The following EARS2 variants were observed in gnomAD, a reference collection of about 807,000 sequenced individuals.
EARS2 encodes nondiscriminating glutamyl-tRNA synthetase EARS2, mitochondrial.
Under a neutral mutation model 54.1 loss-of-function variants are expected in EARS2, and 50 were observed. That is an observed-to-expected ratio of 0.92 (90% CI 0.74 to 1.17). The LOEUF is 1.17. Ranked by LOEUF, EARS2 falls within the 50% of genes most tolerant of loss-of-function variation. The pLI, the probability that EARS2 is intolerant of heterozygous loss-of-function variation, is 0.00. For missense variants in EARS2, 673 were observed against 675.0 expected (o/e 1.00, Z 0.03); for synonymous variants, 298 against 281.0 (o/e 1.06, Z -0.61).
rs775993037 is a variant in EARS2 at position 23,534,991 on chromosome 16, G to A, written c.855C>T (p.Leu285=). The A allele has an allele frequency of 6.2e-7, 1 of 1,612,932 alleles. No homozygotes were observed. The change falls in exon 4 of 9, where the codon CTC becomes CTT. Residue 285 remains leucine, a synonymous_variant. Transcript: ENST00000449606. ...PLLLNRDGSK[L]SKRQGDVFLE... ...GGAAAACGTCCCCTTGCCTCTTGGA[G>A]AGCTTGCTGCCATCCCTGTTGAGGA... is the stretch of plus-strand genomic sequence containing the variant.
intron 8 of EARS2, 88 bp downstream of exon 8, chr16:23,525,156 T>C (rs1413215769): frequency 1.3e-6 from 2 of 1,579,060 alleles, no homozygotes; most frequent in Non-Finnish European, 1.7e-6. Context: ...GTATACTCAA[T>C]ATTGAGCTCA....
At chr16:23,540,185 G>A (rs765966133) in intron 3 of EARS2, among the ~76,000 whole-genome samples, 22 of 152,000 alleles carry the variant, frequency 1.4e-4, no homozygotes, top group Non-Finnish European at 2.9e-4. Flanking sequence ...CTCTGTGTGT[G>A]GTGGTACATG....
chr16:23,549,180 C>T (rs1415006345), intron 2 of EARS2, among the ~76,000 whole-genome samples: 1 of 152,206 alleles, frequency 6.6e-6, no homozygotes, highest in Admixed American at 6.5e-5. Context: ...GAGTGAAGAG[C>T]TGAGACAGTG....
chr16:23,526,710 A>G (rs1470380540), intron 7 of EARS2, among the ~76,000 whole-genome samples: 1 of 152,206 alleles, frequency 6.6e-6, no homozygotes, highest in Non-Finnish European at 1.5e-5. Flanking sequence ...CCAACTTGCT[A>G]TGGCCATTCT....
intron 7 of EARS2, among the ~76,000 whole-genome samples, chr16:23,527,304 C>T (rs1000284579): frequency 6.6e-6 from 1 of 152,110 alleles, no homozygotes; most frequent in Non-Finnish European, 1.5e-5. Context: ...CATGGAAACA[C>T]TGAAGAGGAA....
At chr16:23,534,609 T>C (rs920964901) in intron 4 of EARS2, among the ~76,000 whole-genome samples, 2 of 152,160 alleles carry the variant, frequency 1.3e-5, no homozygotes, top group African/African-American at 4.8e-5. Context: ...CCCAATGAGG[T>C]AGACACTTAT....
At chr16:23,549,802 G>A (rs1597025593) in intron 2 of EARS2, among the ~76,000 whole-genome samples, 1 of 152,220 alleles carries the variant, frequency 6.6e-6, no homozygotes, top group East Asian at 1.9e-4. Flanking sequence ...GCTCACTATG[G>A]TTAGACCAAG....
chr16:23,550,836 T>C (rs1197238800), intron 2 of EARS2: 1 of 152,192 alleles, frequency 6.6e-6, no homozygotes, highest in Non-Finnish European at 1.5e-5. Context: ...CTTTCTTTTT[T>C]TTTCAATCTC....
chr16:23,534,872 T>C lies in EARS2; in HGVS notation c.958+16A>G. The C allele has an allele frequency of 1.3e-6, 2 of 1,552,152 alleles. No individual in the cohort carries two copies. Among genetic ancestry groups the C allele is most frequent in the Non-Finnish European group, 1.7e-6 (2 of 1,144,950 alleles). On this transcript the variant is annotated intron_variant, in intron 4 of 8. Transcript: ENST00000449606. Reference sequence around the variant, plus strand: ...CCATGCTCTCTGCTGCCAGGACTATTCAGGTGGGCACGTACCTGCAAAACC... The same window carrying C: ...CCATGCTCTCTGCTGCCAGGACTATCCAGGTGGGCACGTACCTGCAAAACC...
Position 23,535,152 on chromosome 16 carries a change from A to G in EARS2, c.694T>C (p.Cys232Arg). The G allele has an allele frequency of 1.2e-6, 2 of 1,613,464 alleles. No individual in the cohort carries two copies. The highest frequency in any genetic ancestry group is 1.7e-6 in the Non-Finnish European group (2 of 1,179,906). ...SDGFPTYHLA[C>R]VVDDHHMGIS... ...CCCATGTGGTGGTCGTCCACCACGC[A>G]GGCCAGGTGGTATGTGGGGAAGCCG... The change falls in exon 4 of 9, where the codon TGC (cysteine) becomes CGC (arginine). Residue 232 changes from cysteine to arginine, a missense_variant. By Grantham distance (180) the Cys-to-Arg change is radical. This residue lies in a region of EARS2 where 338 missense variants were observed against 361.2 expected (regional missense o/e 0.94). Coordinates refer to ENST00000449606, the MANE Select transcript of EARS2 (RefSeq NM_001083614.2).
intron 4 of EARS2, among the ~76,000 whole-genome samples, chr16:23,534,150 A>G (rs903060672): frequency 3.9e-5 from 6 of 152,100 alleles, no homozygotes; most frequent in Admixed American, 3.3e-4. Context: ...GTGATCAGGC[A>G]TAGGCCTAAA....
rs774079110 is a variant in EARS2, at chr16:23,524,433, T to C, written c.1510A>G (p.Met504Val). The C allele has an allele frequency of 3.1e-6, 5 of 1,614,126 alleles. No homozygotes were observed. The South Asian group carries it at 5.5e-5, about 18-fold the overall frequency. ...TCCTTTGGTCCCAAGGCCAACATCA[T>C]CTCAGCTACAGGAGGTCCTTGCTAA... Reference protein sequence around the residue: ...GQQQGPPVAEMMLALGPKEVR... With the variant: ...GQQQGPPVAEVMLALGPKEVR... Residue 504 changes from methionine (M) to valine (V), a missense_variant, in exon 9 of 9, where the codon ATG becomes GTG. By Grantham distance (21) the Met-to-Val change is conservative. Coordinates refer to ENST00000449606, the MANE Select transcript of EARS2 (RefSeq NM_001083614.2).
Position 23,529,560 on chromosome 16 carries a change from G to C in EARS2, c.1294C>G (p.Arg432Gly). 2.5e-6 allele frequency: 4 copies of C among 1,614,130 alleles called. No individual in the cohort carries two copies. Among genetic ancestry groups the C allele is most frequent in the Non-Finnish European group, 3.4e-6 (4 of 1,180,022 alleles). ...SYLWTRPAVG[R>G]AQLDAISEKV... ...TCCGAGATGGCGTCCAGCTGTGCTCGACCTACTGCAGGGCGAGTCCACAGG... is the reference window on the plus strand; with the variant it reads ...TCCGAGATGGCGTCCAGCTGTGCTCCACCTACTGCAGGGCGAGTCCACAGG... The change falls in exon 7 of 9, where the codon CGA (arginine) becomes GGA (glycine). Residue 432 changes from arginine (R) to glycine (G), a missense_variant. By Grantham distance (125) the Arg-to-Gly change is moderately radical. Coordinates refer to ENST00000449606, the MANE Select transcript of EARS2 (RefSeq NM_001083614.2).
chr16:23,521,758 G>A lies in EARS2; in HGVS notation c.*2613C>T, dbSNP rs769231013. Reference sequence around the variant, plus strand: ...TTGTAGATATACCAGAATCGACTTAGTATTTTGACCACTCACTTTGTTAAA... The same window carrying A: ...TTGTAGATATACCAGAATCGACTTAATATTTTGACCACTCACTTTGTTAAA... On this transcript the variant is annotated 3_prime_UTR_variant, in exon 9 of 9. Transcript: ENST00000449606. 4.4e-6 allele frequency: 2 copies of A among 449,542 alleles called. No homozygotes were observed. The highest frequency in any genetic ancestry group is 1.6e-5 in the South Asian group (1 of 64,404). 27.8% of individuals were successfully genotyped at this position (449,542 alleles called of 1,614,324 possible).
chr16:23,525,097 G>T (rs756588949), intron 8 of EARS2, 147 bp downstream of exon 8: 1 of 1,025,496 alleles, frequency 9.8e-7, no homozygotes, highest in Admixed American at 1.9e-5. Flanking sequence ...ACTCAATAGT[G>T]TCTGTTGATT....
intron 1 of EARS2, among the ~76,000 whole-genome samples, chr16:23,555,448 A>G (rs1430884984): frequency 6.6e-6 from 1 of 152,162 alleles, no homozygotes; most frequent in Non-Finnish European, 1.5e-5. Context: ...AGATTGCACC[A>G]CTGCACTCCA....
In EARS2 at chr16:23,529,559, C is replaced by T. The variant is rs1028937959; in HGVS notation, c.1295G>A (p.Arg432Gln). ...CTCCGAGATGGCGTCCAGCTGTGCT[C>T]GACCTACTGCAGGGCGAGTCCACAG... Reference protein sequence around the residue: ...SYLWTRPAVGRAQLDAISEKV... With the variant: ...SYLWTRPAVGQAQLDAISEKV... Residue 432 changes from arginine to glutamine, a missense_variant, in exon 7 of 9, where the codon CGA becomes CAA. Physicochemically the swap from Arg to Gln is conservative, Grantham distance 43 (BLOSUM62 1). This residue lies in a region of EARS2 where 338 missense variants were observed against 361.2 expected (regional missense o/e 0.94). Coordinates refer to ENST00000449606, the MANE Select transcript of EARS2 (RefSeq NM_001083614.2). The T allele has an allele frequency of 2.5e-6, 4 of 1,614,132 alleles. No individual in the cohort carries two copies. The highest frequency in any genetic ancestry group is 3.4e-6 in the Non-Finnish European group (4 of 1,180,028).
At chr16:23,546,532 C>T (rs1965606062) in intron 2 of EARS2, 1 of 440,368 alleles carries the variant, frequency 2.3e-6, no homozygotes, top group African/African-American at 2.0e-5. Flanking sequence ...TGGCCTGTGA[C>T]CGGTGCTCTC....
At chr16:23,555,900 A>C (rs936396919) in intron 1 of EARS2, among the ~76,000 whole-genome samples, 3 of 152,236 alleles carry the variant, frequency 2.0e-5, no homozygotes, top group Non-Finnish European at 4.4e-5. Flanking sequence ...GGCGAAACTT[A>C]CATAGCAATC....
Sources: allele counts gnomAD v4.1 joint callset (sites outside exome capture counted in the v4.1 genomes callset), GRCh38; gene constraint gnomAD v4.1.1; regional missense constraint gnomAD v4.1.1; transcripts MANE v1.5; gene names NCBI Gene and HGNC (gene_info 2026-07-23, HGNC 2026-07-21).